Variants in TNRC6C observed in about 807,000 individuals in gnomAD.
TNRC6C encodes the protein trinucleotide repeat containing adaptor 6C, also known as trinucleotide repeat-containing gene 6C protein.
TNRC6C carries 20 observed loss-of-function variants against 153.7 expected under a neutral mutation model. That is an observed-to-expected ratio of 0.13 (90% CI 0.09 to 0.19). The LOEUF (loss-of-function observed/expected upper bound fraction) is 0.19, where lower values mean the gene tolerates loss of function less well. Ranked by LOEUF, TNRC6C falls within the 10% of genes least tolerant of loss-of-function variation. The probability of loss-of-function intolerance (pLI) is 1.00; values close to 1 mark genes in which losing one functional copy is unlikely to be tolerated. For synonymous variants in TNRC6C, 811 were observed against 841.4 expected, an observed-to-expected ratio of 0.96 and a Z score of 0.63; for missense variants, 1,987 against 2,172.0, an observed-to-expected ratio of 0.91 and a Z score of 1.69.
chr17:78,006,473 TTTC>T (rs201839982), intron 1 of TNRC6C, among the ~76,000 whole-genome samples: 12 of 150,906 alleles, frequency 8.0e-5, no homozygotes, highest in East Asian at 1.9e-4. Context: ...GGATCATCCA[TTTC>T]TTCTTCTTCT....
At chr17:78,050,509 G>A in exon 3 of TNRC6C, 1 of 1,614,044 alleles carries the variant, frequency 6.2e-7, no homozygotes, top group South Asian at 1.1e-5. Context: ...GGGTTGTGCA[G>A]CTACTCAGGC....
chr17:78,042,150 G>A (rs551173047), intron 2 of TNRC6C, among the ~76,000 whole-genome samples: 99 of 152,178 alleles, frequency 6.5e-4, no homozygotes, highest in African/African-American at 2.1e-3. Context: ...AGACAGTTAC[G>A]TTGCTTAGAT....
chr17:77,967,394 A>G (rs193259599), intron 1 of TNRC6C, among the ~76,000 whole-genome samples: 6 of 150,518 alleles, frequency 4.0e-5, no homozygotes, highest in Non-Finnish European at 8.8e-5. Context: ...TGCTTCCACA[A>G]GTCATGCGGG....
intron 4 of TNRC6C, among the ~76,000 whole-genome samples, chr17:78,065,738 A>G (rs1462664589): frequency 6.6e-6 from 1 of 152,158 alleles, no homozygotes; most frequent in Non-Finnish European, 1.5e-5. Context: ...AAAGTTGTTT[A>G]TGCCTAAACA....
intron 1 of TNRC6C, among the ~76,000 whole-genome samples, chr17:77,967,562 G>A (rs1447971607): frequency 6.6e-6 from 1 of 152,198 alleles, no homozygotes; most frequent in Non-Finnish European, 1.5e-5. Flanking sequence ...AGTCATCATA[G>A]GGGCTCCCTG....
chr17:78,074,135 T>C (rs1273303490), intron 7 of TNRC6C, among the ~76,000 whole-genome samples: 1 of 152,140 alleles, frequency 6.6e-6, no homozygotes, highest in Non-Finnish European at 1.5e-5. Context: ...CTTAGAAACA[T>C]GAGACAGCAC....
chr17:78,071,139 A>G (rs2072986976), exon 6 of TNRC6C: 3 of 1,606,492 alleles, frequency 1.9e-6, no homozygotes, highest in Non-Finnish European at 2.6e-6. Context: ...CCGGCTGATC[A>G]AACAACTCAC....
chr17:78,057,825 T>TG lies in TNRC6C; in HGVS notation c.2395+6368_2395+6369insG, dbSNP rs1555638332. Reference sequence around the variant, plus strand: ...AAAATATGATTTCTGAATTACATTTTTGTGTGTGTGTGTGTGTTGTTTTAA... The same window carrying TG: ...AAAATATGATTTCTGAATTACATTTTGTGTGTGTGTGTGTGTGTTGTTTTAA... On this transcript the variant is annotated intron_variant, in intron 3 of 19. Transcript: ENST00000301624. Among the ~76,000 whole-genome samples, 30 of 151,580 alleles carry TG rather than the reference T, an allele frequency of 2.0e-4. No homozygotes were observed. In the South Asian group the frequency reaches 5.6e-3, roughly 28 times the overall value.
chr17:77,979,928 G>A (rs767030478), intron 1 of TNRC6C, among the ~76,000 whole-genome samples: 2 of 152,226 alleles, frequency 1.3e-5, no homozygotes, highest in South Asian at 4.1e-4. Context: ...TCAAAGTGTT[G>A]TAAGAAAATA....
At chr17:78,066,351 G>T (rs975931153) in intron 4 of TNRC6C, 3 of 151,312 alleles carry the variant, frequency 2.0e-5, no homozygotes, top group Admixed American at 6.6e-5. Context: ...GGTTTTTTTT[G>T]GTTTTTTTTG....
intron 12 of TNRC6C, 82 bp from the exon 15 acceptor site, chr17:78,086,771 A>G: frequency 6.3e-7 from 1 of 1,581,352 alleles, no homozygotes; most frequent in Non-Finnish European, 8.6e-7. Context: ...GCATAAAGAC[A>G]ATGAAGAATG....
chr17:78,042,000 A>G (rs940600937), intron 2 of TNRC6C, among the ~76,000 whole-genome samples: 1 of 152,174 alleles, frequency 6.6e-6, no homozygotes, highest in Non-Finnish European at 1.5e-5. Context: ...TTTGCTTACT[A>G]TGGCTTTTGG....
At chr17:78,097,848 A>G (rs377427587) in intron 16 of TNRC6C, 3 of 1,547,322 alleles carry the variant, frequency 1.9e-6, no homozygotes, top group South Asian at 1.2e-5. Flanking sequence ...TTGCATCCGC[A>G]CCTAGTGTTG....
intron 1 of TNRC6C, among the ~76,000 whole-genome samples, chr17:77,959,592 GC>G (rs1181814536): frequency 6.6e-6 from 1 of 152,140 alleles, no homozygotes; most frequent in African/African-American, 2.4e-5. Context: ...TTTCCGGGCA[GC>G]CCCCCGCAGA....
intron 1 of TNRC6C, among the ~76,000 whole-genome samples, chr17:78,012,576 A>G (rs57299219): frequency 0.071 from 10,866 of 152,314 alleles, 987 homozygotes; most frequent in African/African-American, 0.22. Context: ...ATATATGTAT[A>G]TGCAAATGAA....
In TNRC6C at chr17:78,071,181, G is replaced by A; in HGVS notation, c.2859+16G>A. 1.3e-6 allele frequency: 2 copies of A among 1,587,840 alleles called. No individual in the cohort carries two copies. The highest frequency in any genetic ancestry group is 1.7e-6 in the Non-Finnish European group (2 of 1,166,498). On this transcript the variant is annotated intron_variant, in intron 6 of 19. Coordinates refer to ENST00000301624, the Ensembl canonical transcript of TNRC6C. ...GGGCTTCCCGGTAACTGGCGTCGTA[G>A]TTTACTGCTACCCACCATGCTTCCC...
At chr17:77,992,497 C>CA (rs1333860215) in intron 1 of TNRC6C, among the ~76,000 whole-genome samples, 9,114 of 29,274 alleles carry the variant, frequency 0.31, 1,606 homozygotes, top group Non-Finnish European at 0.37. Flanking sequence ...GACTCCGTCT[C>CA]AAAAAAAAAA....
chr17:78,041,723 T>C (rs928892936), intron 2 of TNRC6C, among the ~76,000 whole-genome samples: 8 of 152,228 alleles, frequency 5.3e-5, no homozygotes, highest in Non-Finnish European at 8.8e-5. Flanking sequence ...AGCTGAAGGC[T>C]GTTGTAGCAT....
chr17:78,082,069 A>G (rs1238419965), intron 10 of TNRC6C, among the ~76,000 whole-genome samples: 2 of 151,136 alleles, frequency 1.3e-5, no homozygotes, highest in African/African-American at 4.9e-5. Context: ...AGACAAATAT[A>G]ATTATTATTG....
Sources: allele counts gnomAD v4.1 joint callset (sites outside exome capture counted in the v4.1 genomes callset), GRCh38; gene constraint gnomAD v4.1.1; transcripts MANE v1.5; gene names NCBI Gene and HGNC (gene_info 2026-07-23, HGNC 2026-07-21).